The following FRYL variants were observed in gnomAD, a reference collection of about 807,000 sequenced individuals.
FRYL encodes the protein protein furry homolog-like.
FRYL carries 150 observed loss-of-function variants against 351.2 expected under a neutral mutation model. The observed-to-expected ratio is 0.43, with a 90% CI of 0.37 to 0.49. FRYL has a LOEUF of 0.49. FRYL is among the 20% of genes least tolerant of loss of function. The probability of loss-of-function intolerance (pLI) is 0.00; values close to 1 mark genes in which losing one functional copy is unlikely to be tolerated. For synonymous variants in FRYL, 1,153 were observed against 1,257.1 expected, an observed-to-expected ratio of 0.92 and a Z score of 1.75; for missense variants, 3,036 against 3,619.3, an observed-to-expected ratio of 0.84 and a Z score of 4.13.
At chr4:48,530,401 C>T (rs1560545224) in intron 50 of FRYL, among the ~76,000 whole-genome samples, 1 of 152,146 alleles carries the variant, frequency 6.6e-6, no homozygotes, top group South Asian at 2.1e-4. Flanking sequence ...ATTCTTCTAA[C>T]AGATTCCTTA....
At chr4:48,651,832 C>A (rs1757768756) in intron 3 of FRYL, among the ~76,000 whole-genome samples, 2 of 152,146 alleles carry the variant, frequency 1.3e-5, no homozygotes, top group African/African-American at 4.8e-5. Context: ...AAAGAAGACA[C>A]CCACAGATAC....
rs1467029321 is a variant in FRYL, at chr4:48,634,275, G to C, written c.120+16C>G. The C allele has an allele frequency of 1.3e-6, 2 of 1,578,930 alleles. No individual in the cohort carries two copies. The highest frequency in any genetic ancestry group is 2.7e-5 in the African/African-American group (2 of 74,182). The stretch of plus-strand genomic sequence containing the variant: ...GTCAAGAAAATATTTCAGATTTATA[G>C]GTCAGCTGTACTCACCAAGGGTTCG... On this transcript the variant is annotated intron_variant, in intron 4 of 63. Coordinates refer to ENST00000358350, the MANE Select transcript of FRYL (RefSeq NM_015030.2).
intron 1 of FRYL, among the ~76,000 whole-genome samples, chr4:48,718,793 T>C (rs1270580167): frequency 6.6e-6 from 1 of 151,408 alleles, no homozygotes; most frequent in African/African-American, 2.4e-5. Flanking sequence ...TCCTCCCTTT[T>C]CAAAGCTAAT....
chr4:48,688,274 C>G (rs932091913), intron 2 of FRYL, among the ~76,000 whole-genome samples: 4 of 152,204 alleles, frequency 2.6e-5, no homozygotes, highest in Admixed American at 2.0e-4. Flanking sequence ...GTTCTGACAG[C>G]CTTTTAGAGT....
At chr4:48,599,005 C>G (rs1745163078) in intron 13 of FRYL, 1 of 211,126 alleles carries the variant, frequency 4.7e-6, no homozygotes, top group Non-Finnish European at 8.2e-6. Context: ...ATGTCCAAGA[C>G]AGTGGCCAGA....
intron 1 of FRYL, among the ~76,000 whole-genome samples, chr4:48,722,348 T>C (rs1396583258): frequency 1.3e-5 from 2 of 152,202 alleles, no homozygotes; most frequent in Non-Finnish European, 2.9e-5. Flanking sequence ...ATATTCCTAC[T>C]ACCATGCATT....
At chr4:48,685,722 A>G (rs546369015) in intron 2 of FRYL, among the ~76,000 whole-genome samples, 1 of 151,924 alleles carries the variant, frequency 6.6e-6, no homozygotes, top group South Asian at 2.1e-4. Context: ...CCATTTATAA[A>G]GATTCCACGT....
chr4:48,595,121 A>G (rs1744340462), intron 15 of FRYL, among the ~76,000 whole-genome samples: 1 of 152,186 alleles, frequency 6.6e-6, no homozygotes, highest in Non-Finnish European at 1.5e-5. Context: ...ACATGTGGTG[A>G]CTTCCTTGTC....
rs184369112 is a variant in FRYL, at chr4:48,679,778, G to A, written c.-81+4895C>T. ...TATACACTGTAAGTATCAAAACATC[G>A]CTATGTAACCCATGAATATGTACAA... On this transcript the variant is annotated intron_variant, in intron 3 of 63. Transcript: ENST00000358350. Among the ~76,000 whole-genome samples, 438 of 151,942 alleles carry A rather than the reference G, an allele frequency of 2.9e-3. 4 individuals are homozygous for A. The highest frequency in any genetic ancestry group is 9.4e-3 in the African/African-American group (392 of 41,482).
intron 1 of FRYL, among the ~76,000 whole-genome samples, chr4:48,771,721 T>C (rs1043625426): frequency 1.3e-5 from 2 of 151,922 alleles, no homozygotes; most frequent in African/African-American, 2.4e-5. Flanking sequence ...AAACAACAAG[T>C]CCCTAGCACT....
intron 36 of FRYL, among the ~76,000 whole-genome samples, chr4:48,552,178 C>G (rs1388615369): frequency 2.0e-5 from 3 of 152,060 alleles, no homozygotes; most frequent in African/African-American, 7.2e-5. Context: ...CTTCTTACCC[C>G]ACTGGGCTTC....
chr4:48,604,076 A>G lies in FRYL; in HGVS notation c.835-688T>C, dbSNP rs553027210. Among the ~76,000 whole-genome samples, 235 of 152,300 alleles carry G rather than the reference A, an allele frequency of 1.5e-3. 2 individuals carry two copies. The highest frequency in any genetic ancestry group is 2.1e-3 in the Non-Finnish European group (145 of 68,036). On this transcript the variant is annotated intron_variant, in intron 11 of 63. Coordinates refer to ENST00000358350, the MANE Select transcript of FRYL (RefSeq NM_015030.2). ...TTCACATTACTCTCCACAATCTGAC[A>G]TACTACCTATTTTATACACTAGTTT...
At chr4:48,525,592 G>C (rs2148850180) in intron 53 of FRYL, among the ~76,000 whole-genome samples, 1 of 152,316 alleles carries the variant, frequency 6.6e-6, no homozygotes, top group Non-Finnish European at 1.5e-5. Context: ...AAGAAGAGCT[G>C]ATGAATGTGT....
At chr4:48,569,110 G>A (rs1441322389) in intron 27 of FRYL, among the ~76,000 whole-genome samples, 1 of 152,068 alleles carries the variant, frequency 6.6e-6, no homozygotes, top group Non-Finnish European at 1.5e-5. Context: ...TTTAAATACA[G>A]CAAAATTTTG....
chr4:48,764,497 C>G (rs1400882241), intron 1 of FRYL, among the ~76,000 whole-genome samples: 1 of 150,468 alleles, frequency 6.6e-6, no homozygotes, highest in African/African-American at 2.4e-5. Flanking sequence ...TGCCACTGTG[C>G]TCCAGCCTGA....
At chr4:48,709,399 A>C (rs1434887588) in intron 2 of FRYL, among the ~76,000 whole-genome samples, 1 of 152,184 alleles carries the variant, frequency 6.6e-6, no homozygotes, top group Non-Finnish European at 1.5e-5. Context: ...GAAATGAAGG[A>C]AAGTCCTCAA....
At chr4:48,507,637 T>C (rs1721481176) in intron 59 of FRYL, among the ~76,000 whole-genome samples, 1 of 152,126 alleles carries the variant, frequency 6.6e-6, no homozygotes, top group African/African-American at 2.4e-5. Context: ...GCATAGAGGC[T>C]GAACAGAAAG....
chr4:48,706,453 G>A (rs1767355491), intron 2 of FRYL, among the ~76,000 whole-genome samples: 1 of 152,148 alleles, frequency 6.6e-6, no homozygotes, highest in African/African-American at 2.4e-5. Context: ...TCAAACTCTT[G>A]GGAAAGTAGA....
intron 2 of FRYL, among the ~76,000 whole-genome samples, chr4:48,690,736 A>T (rs1373484899): frequency 2.0e-5 from 3 of 152,196 alleles, no homozygotes; most frequent in Non-Finnish European, 4.4e-5. Flanking sequence ...TTTTATATGT[A>T]TAGTTTTTTT....
Sources: gnomAD v4.1 joint callset for allele counts (sites outside exome capture counted in the v4.1 genomes callset) on GRCh38, gnomAD v4.1.1 for gene constraint, MANE v1.5 for transcripts, NCBI Gene and HGNC (gene_info 2026-07-23, HGNC 2026-07-21) for gene names.